HSD3B7: variants seen among roughly 807,000 people sequenced by gnomAD.
The protein encoded by HSD3B7 is 3 beta-hydroxysteroid dehydrogenase type 7.
HSD3B7 carries 35 observed loss-of-function variants against 34.3 expected under a neutral mutation model. The ratio of observed to expected loss-of-function variants is 1.02; its 90% confidence interval spans 0.78 to 1.35. HSD3B7 has a LOEUF of 1.35. Ranked by LOEUF, HSD3B7 falls within the 40% of genes most tolerant of loss-of-function variation. HSD3B7 has a pLI of 0.00. For missense variants in HSD3B7, 426 were observed against 504.7 expected (o/e 0.84, Z 1.49); for synonymous variants, 217 against 220.1 (o/e 0.99, Z 0.13).
intron 6 of HSD3B7, 169 bp from the exon 7 acceptor site, chr16:30,987,597 GGA>G (rs1233030699): frequency 2.7e-6 from 2 of 737,796 alleles, no homozygotes; most frequent in Non-Finnish European, 4.6e-6. Context: ...GGCTGGCCCA[GGA>G]GAGCAAGTGA....
In HSD3B7 at chr16:30,986,545, C is replaced by T. The variant is rs779316697; in HGVS notation, c.431+14C>T. ...CCCCTTCTACAGGTGAGTGGCAGGC[C>T]CTCTTGTCCTCTAAGAGCCCATTTC... is the stretch of plus-strand genomic sequence containing the variant. On this transcript the variant is annotated intron_variant, in intron 4 of 6. Coordinates refer to ENST00000297679, the MANE Select transcript of HSD3B7 (RefSeq NM_025193.4). 3 of 1,612,728 alleles carry T rather than the reference C, an allele frequency of 1.9e-6. No individual in the cohort carries two copies. The highest frequency in any genetic ancestry group is 2.5e-6 in the Non-Finnish European group (3 of 1,178,736).
rs200355417 is a variant in HSD3B7, at chr16:30,987,739, T to C, written c.695-29T>C. 2.6e-4 allele frequency: 416 copies of C among 1,606,114 alleles called. 1 individual carries two copies. Among genetic ancestry groups the C allele is most frequent in the Non-Finnish European group, 5.2e-5 (61 of 1,179,726 alleles). ...GTGGTGTTGCAAGGGCACTCAGGGG[T>C]GTGTCCGCCTCTCTTCCGCCACCGG... On this transcript the variant is annotated intron_variant, in intron 6 of 6. Coordinates refer to ENST00000297679, the MANE Select transcript of HSD3B7 (RefSeq NM_025193.4).
At position 30,985,787 on chromosome 16, in the gene HSD3B7, C is replaced by T; in HGVS notation, c.129C>T (p.Asp43=). Residue 43 remains aspartate, a synonymous_variant, in exon 2 of 7, where the codon GAC becomes GAT. Coordinates refer to ENST00000297679, the MANE Select transcript of HSD3B7 (RefSeq NM_025193.4). ...GGCTCGGGGAGCTGCGGGTCTTTGA[C>T]CAACACCTGGGTCCCTGGCTGGAGG... The part of the protein sequence containing the change: ...EPRLGELRVF[D]QHLGPWLEEL... 2.5e-6 allele frequency: 4 copies of T among 1,602,922 alleles called. No homozygotes were observed. The highest frequency in any genetic ancestry group is 3.4e-6 in the Non-Finnish European group (4 of 1,176,136).
In HSD3B7 at chr16:30,985,825, G is replaced by A. The variant is rs530793570; in HGVS notation, c.166+1G>A. On this transcript the variant is annotated splice_donor_variant, in intron 2 of 6. Coordinates refer to ENST00000297679, the MANE Select transcript of HSD3B7 (RefSeq NM_025193.4). LOFTEE classifies it high-confidence loss of function. ...CCCTGGCTGGAGGAGCTGAAGACAG[G>A]TTCTTGTTGGGGGAGCTTGTGGTGG... 3.1e-6 allele frequency: 5 copies of A among 1,598,888 alleles called. No individual in the cohort carries two copies. The highest frequency in any genetic ancestry group is 4.3e-6 in the Non-Finnish European group (5 of 1,174,020).
rs759943397 is a variant in HSD3B7, at chr16:30,985,765, T to A, written c.107T>A (p.Leu36His). 3 of 1,604,958 alleles carry A rather than the reference T, an allele frequency of 1.9e-6. No individual in the cohort carries two copies. Among genetic ancestry groups the A allele is most frequent in the Non-Finnish European group, 2.5e-6 (3 of 1,177,114 alleles). Residue 36 changes from leucine to histidine, a missense_variant, in exon 2 of 7, where the codon CTC becomes CAC. By Grantham distance (99) the Leu-to-His change is moderately conservative. Coordinates refer to ENST00000297679, the MANE Select transcript of HSD3B7 (RefSeq NM_025193.4). Reference protein sequence around the residue: ...VRMLLQREPRLGELRVFDQHL... With the variant: ...VRMLLQREPRHGELRVFDQHL... ...ATGCTGCTGCAGCGGGAGCCCCGGC[T>A]CGGGGAGCTGCGGGTCTTTGACCAA... is the stretch of plus-strand genomic sequence containing the variant.
In HSD3B7 at chr16:30,986,500, G is replaced by A. The variant is rs372757204; in HGVS notation, c.400G>A (p.Gly134Arg). Residue 134 changes from glycine to arginine, a missense_variant, in exon 4 of 7, where the codon GGG becomes AGG. Gly to Arg is a moderately radical substitution (Grantham distance 125). Transcript: ENST00000297679. ...CTACACCAGCAGCATGGAAGTTGTG[G>A]GGCCTAACACCAAAGGTCACCCCTT... ...LVYTSSMEVV[G>R]PNTKGHPFYR... 6.2e-7 allele frequency: 1 copy of A among 1,614,134 alleles called. No homozygotes were observed. Among genetic ancestry groups the A allele is most frequent in the Non-Finnish European group, 8.5e-7 (1 of 1,180,006 alleles).
intron 3 of HSD3B7, 89 bp downstream of exon 3, chr16:30,986,293 AG>A: frequency 3.2e-6 from 5 of 1,568,476 alleles, no homozygotes; most frequent in Non-Finnish European, 4.3e-6. Context: ...CCCTGGGACA[AG>A]TTGTCCTATT....
Position 30,986,440 on chromosome 16 carries a change from G to A in HSD3B7, c.340G>A (p.Glu114Lys), listed in dbSNP as rs974599585. The change falls in exon 4 of 7, where the codon GAG (glutamate) becomes AAG (lysine). Residue 114 changes from glutamate to lysine, a missense_variant. Transcript: ENST00000297679. ...VNVQGTRNVI[E>K]ACVQTGTRFL... The stretch of plus-strand genomic sequence containing the variant: ...TCTGCCAGGTACCCGGAACGTGATC[G>A]AGGCTTGTGTGCAGACCGGAACACG... The A allele has an allele frequency of 6.2e-6, 10 of 1,613,968 alleles. No individual in the cohort carries two copies. The highest frequency in any genetic ancestry group is 4.5e-5 in the East Asian group (2 of 44,896).
chr16:30,986,798 T>C lies in HSD3B7; in HGVS notation c.532-42T>C, dbSNP rs771771985. ...AAGGAGGCCGGGGCCGAGAGCAAGC[T>C]GTCGGGTCCCAGGTCTCAGCAGTAC... On this transcript the variant is annotated intron_variant, in intron 5 of 6. Coordinates refer to ENST00000297679, the MANE Select transcript of HSD3B7 (RefSeq NM_025193.4). 4 of 1,613,710 alleles carry C rather than the reference T, an allele frequency of 2.5e-6. No individual in the cohort carries two copies. The Middle Eastern group carries it at 6.6e-4, about 266-fold the overall frequency.
rs755245061 is a variant in HSD3B7, at chr16:30,986,838, A to T, written c.532-2A>T. ...CTCAGCAGTACCTGCCTTTGCCACC[A>T]GGTCCGTGGGGGGCTGCCCCTGGTG... On this transcript the variant is annotated splice_acceptor_variant, in intron 5 of 6. Coordinates refer to ENST00000297679, the MANE Select transcript of HSD3B7 (RefSeq NM_025193.4). LOFTEE classifies it high-confidence loss of function. The T allele has an allele frequency of 1.2e-6, 2 of 1,613,996 alleles. No individual in the cohort carries two copies. Among genetic ancestry groups the T allele is most frequent in the Non-Finnish European group, 1.7e-6 (2 of 1,180,030 alleles).
chr16:30,986,431 A>C lies in HSD3B7; in HGVS notation c.331A>C (p.Asn111His), dbSNP rs369828425. Residue 111 changes from asparagine (N) to histidine (H), a missense_variant, in exon 4 of 7, where the codon AAC becomes CAC. Coordinates refer to ENST00000297679, the MANE Select transcript of HSD3B7 (RefSeq NM_025193.4). The stretch of plus-strand genomic sequence containing the variant: ...GCCTCCTCCTCTGCCAGGTACCCGG[A>C]ACGTGATCGAGGCTTGTGTGCAGAC... ...IHEVNVQGTR[N>H]VIEACVQTGT... 15 of 1,614,028 alleles carry C rather than the reference A, an allele frequency of 9.3e-6. No homozygotes were observed. The African/African-American group carries it at 1.2e-4, about 13-fold the overall frequency.
At position 30,988,896 on chromosome 16, in the gene HSD3B7, A is replaced by G. The variant is rs960079452; in HGVS notation, c.*713A>G. The G allele has an allele frequency of 2.6e-5, 4 of 152,384 alleles. No individual in the cohort carries two copies. The highest frequency in any genetic ancestry group is 9.6e-5 in the African/African-American group (4 of 41,460). The allele number at this position is 152,384 out of a possible 1,614,324, so 9.4% of individuals were successfully genotyped here. The stretch of plus-strand genomic sequence containing the variant: ...GACAGCCACACGCGACCCTCGGTGC[A>G]GAGTGCAGAGGCGGCTCTGGTTCCT... On this transcript the variant is annotated 3_prime_UTR_variant, in exon 7 of 7. Coordinates refer to ENST00000297679, the MANE Select transcript of HSD3B7 (RefSeq NM_025193.4).
Position 30,988,539 on chromosome 16 carries a change from C to A in HSD3B7, c.*356C>A. The A allele has an allele frequency of 4.3e-6, 1 of 233,206 alleles. No homozygotes were observed. Among genetic ancestry groups the A allele is most frequent in the Non-Finnish European group, 8.6e-6 (1 of 116,602 alleles). 14.4% of individuals were successfully genotyped at this position (233,206 alleles called of 1,614,324 possible). ...AGAGACAGGGTCTCACTATATTGCT[C>A]AGGCTGGTCTTGAACTCCTGGGCTC... is the stretch of plus-strand genomic sequence containing the variant. On this transcript the variant is annotated 3_prime_UTR_variant, in exon 7 of 7. Coordinates refer to ENST00000297679, the MANE Select transcript of HSD3B7 (RefSeq NM_025193.4).
chr16:30,985,465 C>T (rs2056454097), intron 1 of HSD3B7, 168 bp downstream of exon 1: 1 of 1,475,172 alleles, frequency 6.8e-7, no homozygotes, highest in Non-Finnish European at 9.0e-7. Flanking sequence ...CCAAGCCCGC[C>T]CCTCTCTCCG....
chr16:30,987,687 G>C, intron 6 of HSD3B7, 81 bp from the exon 7 acceptor site: 1 of 1,514,448 alleles, frequency 6.6e-7, no homozygotes, highest in Non-Finnish European at 9.1e-7. Context: ...GCCCAAAGAG[G>C]GGGTGGCCCA....
Position 30,988,309 on chromosome 16 carries a change from T to A in HSD3B7, c.*126T>A. 1.1e-6 allele frequency: 1 copy of A among 897,114 alleles called. No homozygotes were observed. Among genetic ancestry groups the A allele is most frequent in the Non-Finnish European group, 1.7e-6 (1 of 599,616 alleles). The allele number at this position is 897,114 out of a possible 1,614,324, so 55.6% of individuals were successfully genotyped here. On this transcript the variant is annotated 3_prime_UTR_variant, in exon 7 of 7. Coordinates refer to ENST00000297679, the MANE Select transcript of HSD3B7 (RefSeq NM_025193.4). ...GGCAGGGCTCTGGGGCCAGAATGGC[T>A]GTCCTTGTCGTAGAGCCCTCCACAT...
rs1181253599 is a variant in HSD3B7 at position 30,988,581 on chromosome 16, T to C, written c.*398T>C. ...CCTGGGCTCAAGTGATCTTCCCACG[T>C]GGGCCTCCCAAAACGCTGGAACTAC... On this transcript the variant is annotated 3_prime_UTR_variant, in exon 7 of 7. Coordinates refer to ENST00000297679, the MANE Select transcript of HSD3B7 (RefSeq NM_025193.4). 1.6e-5 allele frequency: 3 copies of C among 185,148 alleles called. No homozygotes were observed. Among genetic ancestry groups the C allele is most frequent in the East Asian group, 1.4e-4 (1 of 7,278 alleles). 11.5% of individuals were successfully genotyped at this position (185,148 alleles called of 1,614,324 possible). A position where few individuals can be genotyped will look rare whatever the true frequency, so the allele number is the denominator to read the frequency against.
Position 30,987,815 on chromosome 16 carries a change from C to T in HSD3B7, c.742C>T (p.Arg248Trp), listed in dbSNP as rs200384115. The T allele has an allele frequency of 1.3e-4, 204 of 1,613,162 alleles. No homozygotes were observed. Among genetic ancestry groups the T allele is most frequent in the Non-Finnish European group, 1.6e-4 (190 of 1,179,962 alleles). ...HVLAARELEQ[R>W]ATLMGGQVYF... ...GCTGGCAGCCCGGGAGCTGGAGCAG[C>T]GGGCAACCCTGATGGGCGGCCAGGT... The change falls in exon 7 of 7, where the codon CGG becomes TGG. Residue 248 changes from arginine to tryptophan, a missense_variant. Physicochemically the swap from Arg to Trp is moderately radical, Grantham distance 101. Transcript: ENST00000297679.
chr16:30,985,766 C>G lies in HSD3B7; in HGVS notation c.108C>G (p.Leu36=). ...TGCTGCTGCAGCGGGAGCCCCGGCTCGGGGAGCTGCGGGTCTTTGACCAAC... is the reference window on the plus strand; with the variant it reads ...TGCTGCTGCAGCGGGAGCCCCGGCTGGGGGAGCTGCGGGTCTTTGACCAAC... ...VRMLLQREPR[L]GELRVFDQHL... Residue 36 remains leucine (L), a synonymous_variant, in exon 2 of 7, where the codon CTC becomes CTG. Coordinates refer to ENST00000297679, the MANE Select transcript of HSD3B7 (RefSeq NM_025193.4). 12 of 1,602,906 alleles carry G rather than the reference C, an allele frequency of 7.5e-6. No individual in the cohort carries two copies. The highest frequency in any genetic ancestry group is 1.0e-5 in the Non-Finnish European group (12 of 1,176,260).
Sources: gnomAD v4.1 joint callset for allele counts on GRCh38, gnomAD v4.1.1 for gene constraint, MANE v1.5 for transcripts, NCBI Gene and HGNC (gene_info 2026-07-23, HGNC 2026-07-21) for gene names.